Variants in TPD52L1 observed in about 807,000 individuals in gnomAD.
The protein encoded by TPD52L1 is tumor protein D53.
In TPD52L1, 18 loss-of-function variants were observed where a neutral mutation model predicts 28.7. That is an observed-to-expected ratio of 0.63 (90% CI 0.43 to 0.93). The LOEUF (loss-of-function observed/expected upper bound fraction) is 0.93, where lower values mean the gene tolerates loss of function less well. TPD52L1 is among the 40% of genes least tolerant of loss of function. The pLI, the probability that TPD52L1 is intolerant of heterozygous loss-of-function variation, is 0.00. For missense variants in TPD52L1, 203 were observed against 254.8 expected, an observed-to-expected ratio of 0.80 and a Z score of 1.39; for synonymous variants, 75 against 88.8, an observed-to-expected ratio of 0.84 and a Z score of 0.88.
intron 1 of TPD52L1, among the ~76,000 whole-genome samples, chr6:125,163,916 C>CAA (rs779811391): frequency 4.1e-5 from 3 of 73,246 alleles, no homozygotes; most frequent in African/African-American, 9.8e-5. Flanking sequence ...CACTCTGTCT[C>CAA]AAAAAAAAAA....
At chr6:125,166,993 A>G (rs942064564) in intron 1 of TPD52L1, among the ~76,000 whole-genome samples, 9 of 152,264 alleles carry the variant, frequency 5.9e-5, no homozygotes, top group Non-Finnish European at 1.2e-4. Flanking sequence ...AGGGTGGCTC[A>G]TGCCTGTAAT....
Position 125,220,086 on chromosome 6 carries a change from G to A in TPD52L1, c.28G>A (p.Glu10Lys). 9 of 1,613,040 alleles carry A rather than the reference G, an allele frequency of 5.6e-6. No individual in the cohort carries two copies. The highest frequency in any genetic ancestry group is 6.8e-6 in the Non-Finnish European group (8 of 1,179,078). MEAQAQGLL[E>K]TEPLQGTDED... Reference sequence around the variant, plus strand: ...ATCAATTCTGCCTAAAGGTTTGTTGGAGACTGAACCGTTGCAAGGAACAGA... The same window carrying A: ...ATCAATTCTGCCTAAAGGTTTGTTGAAGACTGAACCGTTGCAAGGAACAGA... Residue 10 changes from glutamate (E) to lysine (K), a missense_variant, in exon 2 of 7, where the codon GAG (glutamate) becomes AAG (lysine). Glu to Lys is a moderately conservative substitution (Grantham distance 56). Coordinates refer to ENST00000534000, the MANE Select transcript of TPD52L1 (RefSeq NM_003287.4).
intron 3 of TPD52L1, among the ~76,000 whole-genome samples, chr6:125,230,744 G>A (rs1001150709): frequency 6.6e-6 from 1 of 152,038 alleles, no homozygotes; most frequent in African/African-American, 2.4e-5. Context: ...TCTAAATATG[G>A]CCTAGCAGTC....
At chr6:125,202,340 T>C (rs1011392600) in intron 1 of TPD52L1, among the ~76,000 whole-genome samples, 3 of 152,232 alleles carry the variant, frequency 2.0e-5, no homozygotes, top group Non-Finnish European at 4.4e-5. Flanking sequence ...CAGCACTTTA[T>C]AAGATCAGTG....
intron 2 of TPD52L1, among the ~76,000 whole-genome samples, chr6:125,223,955 T>C (rs979633075): frequency 1.3e-5 from 2 of 152,166 alleles, no homozygotes; most frequent in African/African-American, 4.8e-5. Context: ...TGCTCTTTTT[T>C]TTACAAACCT....
intron 3 of TPD52L1, among the ~76,000 whole-genome samples, chr6:125,241,611 A>G (rs952378717): frequency 1.3e-5 from 2 of 152,004 alleles, no homozygotes; most frequent in African/African-American, 2.4e-5. Context: ...GTTTGTGTGC[A>G]TGAAGGTATT....
chr6:125,188,544 G>T (rs1362498280), intron 1 of TPD52L1, among the ~76,000 whole-genome samples: 1 of 152,122 alleles, frequency 6.6e-6, no homozygotes, highest in Non-Finnish European at 1.5e-5. Context: ...AGTTGTGTTG[G>T]TGTGTGCATG....
At chr6:125,250,656 G>T (rs1797209090) in intron 4 of TPD52L1, among the ~76,000 whole-genome samples, 1 of 152,172 alleles carries the variant, frequency 6.6e-6, no homozygotes, top group Admixed American at 6.5e-5. Context: ...GAAGAATGAA[G>T]ACTGTGTTTC....
intron 4 of TPD52L1, among the ~76,000 whole-genome samples, chr6:125,250,513 A>G (rs1315752799): frequency 6.6e-6 from 1 of 152,228 alleles, no homozygotes; most frequent in Non-Finnish European, 1.5e-5. Flanking sequence ...TGCACTCAAA[A>G]AATTGCAGTT....
At chr6:125,159,239 C>T (rs1488258218) in intron 1 of TPD52L1, among the ~76,000 whole-genome samples, 2 of 152,234 alleles carry the variant, frequency 1.3e-5, no homozygotes, top group African/African-American at 2.4e-5. Context: ...TCAAGCCCTG[C>T]CACTGCTTTA....
chr6:125,210,407 C>A (rs1794417123), intron 1 of TPD52L1, among the ~76,000 whole-genome samples: 1 of 152,136 alleles, frequency 6.6e-6, no homozygotes, highest in South Asian at 2.1e-4. Context: ...GGGTCAGATG[C>A]CCATCTCAGT....
rs566410760 is a variant in TPD52L1, at chr6:125,249,619, G to T, written c.386+1236G>T. Among the ~76,000 whole-genome samples the T allele has an allele frequency of 3.3e-5, 5 of 149,552 alleles. No homozygotes were observed. In the East Asian group the frequency reaches 9.9e-4, roughly 29 times the overall value. ...AGGCAGGAGAATCACTTGAACCCAG[G>T]AGGCAGAGGTTGCAGTGAGCCCAGA... On this transcript the variant is annotated intron_variant, in intron 4 of 6. Coordinates refer to ENST00000534000, the MANE Select transcript of TPD52L1 (RefSeq NM_003287.4).
chr6:125,210,410 A>G (rs1794417619), intron 1 of TPD52L1, among the ~76,000 whole-genome samples: 1 of 152,212 alleles, frequency 6.6e-6, no homozygotes, highest in South Asian at 2.1e-4. Context: ...TCAGATGCCC[A>G]TCTCAGTCCA....
At position 125,257,164 on chromosome 6, in the gene TPD52L1, G is replaced by A. The variant is rs747812079; in HGVS notation, c.486+6G>A. 1 of 1,608,800 alleles carries A rather than the reference G, an allele frequency of 6.2e-7. No individual in the cohort carries two copies. The highest frequency in any genetic ancestry group is 1.7e-5 in the Admixed American group (1 of 59,800). On this transcript the variant is annotated splice_donor_region_variant and intron_variant, in intron 6 of 6. Transcript: ENST00000534000. ...CAACTGTCACAAGCCTCAAGGTACA[G>A]ATGAAGTGAATTCTGTGTGAGTGGG...
At chr6:125,205,525 C>T (rs1304978955) in intron 1 of TPD52L1, among the ~76,000 whole-genome samples, 1 of 152,164 alleles carries the variant, frequency 6.6e-6, no homozygotes, top group African/African-American at 2.4e-5. Flanking sequence ...TTCAGGCTCT[C>T]TGAGATTCTT....
intron 2 of TPD52L1, among the ~76,000 whole-genome samples, chr6:125,228,121 A>G (rs1304537496): frequency 3.3e-5 from 5 of 152,224 alleles, no homozygotes; most frequent in African/African-American, 1.2e-4. Flanking sequence ...TGTATACTCT[A>G]TGATTCAATT....
intron 4 of TPD52L1, among the ~76,000 whole-genome samples, chr6:125,249,611 G>C (rs1797138832): frequency 1.4e-5 from 2 of 147,750 alleles, no homozygotes; most frequent in South Asian, 4.2e-4. Context: ...AGAATCACTT[G>C]AACCCAGGAG....
At chr6:125,242,819 T>C (rs1350922436) in intron 3 of TPD52L1, among the ~76,000 whole-genome samples, 1 of 152,110 alleles carries the variant, frequency 6.6e-6, no homozygotes, top group East Asian at 1.9e-4. Context: ...TGAGGTACTG[T>C]TCTATTCATT....
intron 1 of TPD52L1, among the ~76,000 whole-genome samples, chr6:125,196,231 C>T (rs987974458): frequency 1.3e-5 from 2 of 152,250 alleles, no homozygotes; most frequent in Non-Finnish European, 2.9e-5. Context: ...AAAGTTGTAG[C>T]TGTTTTTAAA....
Sources: allele counts gnomAD v4.1 joint callset (sites outside exome capture counted in the v4.1 genomes callset), GRCh38; gene constraint gnomAD v4.1.1; transcripts MANE v1.5; gene names NCBI Gene and HGNC (gene_info 2026-07-23, HGNC 2026-07-21).